The following CCSER1 variants were observed in gnomAD, a reference collection of about 807,000 sequenced individuals.
The protein encoded by CCSER1 is serine-rich coiled-coil domain-containing protein 1.
In CCSER1, 41 loss-of-function variants were observed where a neutral mutation model predicts 82.0. The observed-to-expected ratio is 0.50, with a 90% confidence interval of 0.39 to 0.65. CCSER1 has a LOEUF of 0.65. Ranked by LOEUF, CCSER1 falls within the 30% of genes least tolerant of loss-of-function variation. CCSER1 has a pLI of 0.00. For synonymous variants in CCSER1, 414 were observed against 383.9 expected (o/e 1.08, Z -0.92); for missense variants, 1,119 against 1,064.2 (o/e 1.05, Z -0.72).
At chr4:90,713,055 T>C (rs952057084) in intron 6 of CCSER1, among the ~76,000 whole-genome samples, 8 of 151,968 alleles carry the variant, frequency 5.3e-5, no homozygotes, top group African/African-American at 1.9e-4. Flanking sequence ...ATGAGATGGA[T>C]CTTTTCAAGA....
intron 1 of CCSER1, among the ~76,000 whole-genome samples, chr4:90,288,692 T>C (rs1730364003): frequency 6.6e-6 from 1 of 151,976 alleles, no homozygotes; most frequent in Non-Finnish European, 1.5e-5. Flanking sequence ...TAGGCATGGA[T>C]ACCTTTTAGA....
chr4:90,325,528 C>T, intron 3 of CCSER1: 1 of 240,584 alleles, frequency 4.2e-6, no homozygotes, highest in East Asian at 1.2e-4. Flanking sequence ...CTGCTTTGTT[C>T]CTTATTTAGC....
At chr4:90,497,353 G>T (rs1769196214) in intron 5 of CCSER1, among the ~76,000 whole-genome samples, 1 of 152,124 alleles carries the variant, frequency 6.6e-6, no homozygotes. Context: ...TTACCTGTTA[G>T]ATAATTCCTA....
intron 1 of CCSER1, among the ~76,000 whole-genome samples, chr4:90,204,775 A>G (rs1243990158): frequency 1.3e-5 from 2 of 152,220 alleles, no homozygotes; most frequent in Non-Finnish European, 2.9e-5. Flanking sequence ...TCTATAAATT[A>G]CTTTGAGCAG....
chr4:91,541,546 AG>A (rs1379044592), intron 10 of CCSER1, among the ~76,000 whole-genome samples: 1 of 152,174 alleles, frequency 6.6e-6, no homozygotes. Context: ...GTCCCTACAA[AG>A]GACATGAACT....
chr4:90,865,006 T>C (rs1321379018), intron 8 of CCSER1, among the ~76,000 whole-genome samples: 1 of 152,094 alleles, frequency 6.6e-6, no homozygotes, highest in African/African-American at 2.4e-5. Flanking sequence ...AAAATTTCAA[T>C]GTCATAAGAC....
At chr4:91,543,212 G>A (rs1761700154) in intron 10 of CCSER1, among the ~76,000 whole-genome samples, 1 of 152,046 alleles carries the variant, frequency 6.6e-6, no homozygotes, top group Non-Finnish European at 1.5e-5. Context: ...CATGAGATGG[G>A]TCTCCTGAAT....
In CCSER1 at chr4:90,877,699, T is replaced by C. The variant is rs1306272286; in HGVS notation, c.2095-45671T>C. Among the ~76,000 whole-genome samples the C allele has an allele frequency of 6.1e-5, 8 of 131,462 alleles. No individual in the cohort carries two copies. In the South Asian group the frequency reaches 1.9e-3, roughly 31 times the overall value. The allele number at this position is 131,462 out of a possible 152,430, so 86.2% of individuals were successfully genotyped here. On this transcript the variant is annotated intron_variant, in intron 8 of 10. Coordinates refer to ENST00000509176, the MANE Select transcript of CCSER1 (RefSeq NM_001145065.2). ...TGAAGATATATTAAGGAATGGAGAATAGAAGGAAAAAAAAAGAAAAAAAAA... is the reference window on the plus strand; with the variant it reads ...TGAAGATATATTAAGGAATGGAGAACAGAAGGAAAAAAAAAGAAAAAAAAA...
chr4:90,711,535 A>T (rs1300040617), intron 6 of CCSER1, among the ~76,000 whole-genome samples: 1 of 151,954 alleles, frequency 6.6e-6, no homozygotes, highest in Non-Finnish European at 1.5e-5. Context: ...GAGTTTTTAA[A>T]CATGAAGAGA....
At chr4:90,654,109 G>C (rs552575013) in intron 6 of CCSER1, among the ~76,000 whole-genome samples, 1 of 152,060 alleles carries the variant, frequency 6.6e-6, no homozygotes. Context: ...CTCCCACCAC[G>C]CCCCTCCTTC....
chr4:90,407,250 C>T (rs772072245), intron 4 of CCSER1, among the ~76,000 whole-genome samples: 2 of 152,100 alleles, frequency 1.3e-5, no homozygotes, highest in Non-Finnish European at 2.9e-5. Context: ...CACACATAAA[C>T]TAGTGGAGAT....
At chr4:90,608,340 A>G (rs1785007124) in intron 5 of CCSER1, among the ~76,000 whole-genome samples, 2 of 152,168 alleles carry the variant, frequency 1.3e-5, no homozygotes, top group Non-Finnish European at 2.9e-5. Flanking sequence ...GGAGGCTTCA[A>G]TTTCAAGCTC....
chr4:90,576,462 C>T (rs552392282), intron 5 of CCSER1, among the ~76,000 whole-genome samples: 1 of 152,042 alleles, frequency 6.6e-6, no homozygotes, highest in Non-Finnish European at 1.5e-5. Flanking sequence ...ATGTATCTAC[C>T]ATTGTACTAA....
At chr4:90,848,350 T>C (rs1416967175) in intron 8 of CCSER1, among the ~76,000 whole-genome samples, 1 of 152,134 alleles carries the variant, frequency 6.6e-6, no homozygotes, top group East Asian at 1.9e-4. Flanking sequence ...GGGCAGAAAA[T>C]GGCTCTAAGA....
intron 10 of CCSER1, among the ~76,000 whole-genome samples, chr4:91,253,808 C>A (rs1740456094): frequency 6.6e-6 from 1 of 152,038 alleles, no homozygotes; most frequent in African/African-American, 2.4e-5. Context: ...TGGCAGAAGG[C>A]AAAGTGGGAG....
intron 3 of CCSER1, among the ~76,000 whole-genome samples, chr4:90,394,304 A>G (rs895179342): frequency 6.6e-6 from 1 of 152,120 alleles, no homozygotes; most frequent in African/African-American, 2.4e-5. Flanking sequence ...TGCCCTTTAC[A>G]TTCATTGTCA....
chr4:90,217,884 C>T (rs963809218), intron 1 of CCSER1, among the ~76,000 whole-genome samples: 3 of 152,048 alleles, frequency 2.0e-5, no homozygotes, highest in Admixed American at 2.0e-4. Flanking sequence ...CAGCCTTGAC[C>T]TCCCAGGCTC....
chr4:90,562,838 T>TC (rs1246394408), intron 5 of CCSER1, among the ~76,000 whole-genome samples: 2 of 133,766 alleles, frequency 1.5e-5, no homozygotes, highest in African/African-American at 5.7e-5. Flanking sequence ...ATGCCCAGCC[T>TC]CCCTTTTTTT....
chr4:90,604,584 G>A (rs1191019976), intron 5 of CCSER1, among the ~76,000 whole-genome samples: 2 of 152,192 alleles, frequency 1.3e-5, no homozygotes, highest in Non-Finnish European at 2.9e-5. Context: ...TACATTGCAG[G>A]CGAGCTGCCC....
Sources: gnomAD v4.1 joint callset for allele counts (sites outside exome capture counted in the v4.1 genomes callset) on GRCh38, gnomAD v4.1.1 for gene constraint, MANE v1.5 for transcripts, NCBI Gene and HGNC (gene_info 2026-07-23, HGNC 2026-07-21) for gene names.